COL23A1: variants seen among roughly 807,000 people sequenced by gnomAD.
COL23A1 encodes collagen type XXIII alpha 1 chain.
A neutral mutation model predicts 99.3 loss-of-function variants in COL23A1; 97 were observed. That is an observed-to-expected ratio of 0.98 (90% CI 0.83 to 1.16). The LOEUF (loss-of-function observed/expected upper bound fraction) is 1.16, where lower values mean the gene tolerates loss of function less well. Ranked by LOEUF, COL23A1 falls within the 50% of genes most tolerant of loss-of-function variation. COL23A1 has a pLI of 0.00. For synonymous variants in COL23A1, 320 were observed against 308.2 expected, an observed-to-expected ratio of 1.04 and a Z score of -0.40; for missense variants, 762 against 757.4, an observed-to-expected ratio of 1.01 and a Z score of -0.07.
At chr5:178,291,779 G>A (rs1757473041) in intron 3 of COL23A1, among the ~76,000 whole-genome samples, 1 of 152,088 alleles carries the variant, frequency 6.6e-6, no homozygotes, top group African/African-American at 2.4e-5. Context: ...TGTTGGTCAG[G>A]GGAGAGATGG....
intron 27 of COL23A1, among the ~76,000 whole-genome samples, chr5:178,240,596 G>A (rs898129154): frequency 2.4e-4 from 37 of 152,324 alleles, no homozygotes; most frequent in African/African-American, 5.5e-4. Flanking sequence ...GCCAGGCCCC[G>A]GAGCTGCGGG....
intron 2 of COL23A1, among the ~76,000 whole-genome samples, chr5:178,375,315 A>AG (rs375565869): frequency 6.6e-6 from 1 of 152,334 alleles, no homozygotes; most frequent in African/African-American, 2.4e-5. Flanking sequence ...TTTCTTCCGC[A>AG]GGGGATGAAA....
intron 2 of COL23A1, among the ~76,000 whole-genome samples, chr5:178,349,349 C>T (rs562341781): frequency 6.6e-6 from 1 of 152,258 alleles, no homozygotes; most frequent in African/African-American, 2.4e-5. Context: ...AGGCAGAGGC[C>T]CACTGCGGCG....
chr5:178,246,465 G>A lies in COL23A1; in HGVS notation c.1297-12C>T. ...GCTCCATCCAAGCCCTGGAGGCAAA[G>A]GAGGGAAATCAGTCAAGGGGAAGGG... On this transcript the variant is annotated splice_polypyrimidine_tract_variant and intron_variant, in intron 22 of 28. Transcript: ENST00000390654. 1 of 1,560,274 alleles carries A rather than the reference G, an allele frequency of 6.4e-7. No individual in the cohort carries two copies. Among genetic ancestry groups the A allele is most frequent in the Non-Finnish European group, 8.7e-7 (1 of 1,151,296 alleles).
chr5:178,249,017 T>C (rs1764866393), intron 19 of COL23A1, 100 bp downstream of exon 19: 1 of 1,210,164 alleles, frequency 8.3e-7, no homozygotes, highest in East Asian at 2.3e-5. Context: ...GCAGGGGCTG[T>C]CAGGGTCACG....
At chr5:178,292,015 A>G (rs1288358784) in intron 3 of COL23A1, among the ~76,000 whole-genome samples, 1 of 152,126 alleles carries the variant, frequency 6.6e-6, no homozygotes, top group Non-Finnish European at 1.5e-5. Context: ...AGCAAACAAA[A>G]GCTGCCGGAT....
intron 2 of COL23A1, among the ~76,000 whole-genome samples, chr5:178,543,707 A>G (rs1761423187): frequency 6.6e-6 from 1 of 152,108 alleles, no homozygotes; most frequent in South Asian, 2.1e-4. Context: ...TTCTTTCACC[A>G]AAACGGCCTG....
At chr5:178,337,380 A>T (rs577136131) in intron 2 of COL23A1, among the ~76,000 whole-genome samples, 4 of 152,334 alleles carry the variant, frequency 2.6e-5, no homozygotes, top group Admixed American at 1.3e-4. Context: ...TCCACTCTGG[A>T]GGCGGGCTCT....
rs200807238 is a variant in COL23A1 at position 178,245,962 on chromosome 5, G to C, written c.1420C>G (p.Pro474Ala). 1.2e-6 allele frequency: 2 copies of C among 1,614,170 alleles called. No homozygotes were observed. The highest frequency in any genetic ancestry group is 2.7e-5 in the African/African-American group (2 of 75,066). The part of the protein sequence containing the change: ...LPGTKGEKGR[P>A]GEPGLDGFPG... Reference sequence around the variant, plus strand: ...CTTACATCTAGTCCTGGCTCCCCGGGTCTGCCCTGAGGAGAGACACAGAGT... The same window carrying C: ...CTTACATCTAGTCCTGGCTCCCCGGCTCTGCCCTGAGGAGAGACACAGAGT... The change falls in exon 25 of 29, where the codon CCC (proline) becomes GCC (alanine). Residue 474 changes from proline to alanine, a missense_variant. Physicochemically the swap from Pro to Ala is conservative, Grantham distance 27 (BLOSUM62 -1). Transcript: ENST00000390654.
chr5:178,306,877 G>T lies in COL23A1; in HGVS notation c.404C>A (p.Pro135His). Residue 135 changes from proline to histidine, a missense_variant and splice_region_variant, in exon 3 of 29, where the codon CCT (proline) becomes CAT (histidine). Transcript: ENST00000390654. The surrounding 1 kb of genome is among the most constrained non-coding windows in gnomAD (Gnocchi z 4.1). Reference sequence around the variant, plus strand: ...AGCTGAGAAAACCTGGGACTCACCAGGGTCGCCTCTTCTCCCAGGCTTGCC... The same window carrying T: ...AGCTGAGAAAACCTGGGACTCACCATGGTCGCCTCTTCTCCCAGGCTTGCC... The part of the protein sequence containing the change: ...RRGKPGRRGD[P>H]GPPGQSGRDG... 6.5e-7 allele frequency: 1 copy of T among 1,538,786 alleles called. No homozygotes were observed. The highest frequency in any genetic ancestry group is 8.8e-7 in the Non-Finnish European group (1 of 1,141,970).
chr5:178,311,969 G>A (rs1206738907), intron 2 of COL23A1, among the ~76,000 whole-genome samples: 1 of 151,996 alleles, frequency 6.6e-6, no homozygotes, highest in African/African-American at 2.4e-5. Flanking sequence ...GACCTCAGGT[G>A]ATCCACCTGC....
chr5:178,266,544 T>G (rs1157824629), intron 8 of COL23A1, among the ~76,000 whole-genome samples: 1 of 152,094 alleles, frequency 6.6e-6, no homozygotes, highest in East Asian at 1.9e-4. Context: ...CATCCCCTTT[T>G]GGAATATCAG....
At chr5:178,338,549 T>A (rs1400730602) in intron 2 of COL23A1, among the ~76,000 whole-genome samples, 2 of 152,266 alleles carry the variant, frequency 1.3e-5, no homozygotes, top group East Asian at 3.9e-4. Context: ...AGCTCCTGGG[T>A]CACCCAGCAC....
intron 27 of COL23A1, among the ~76,000 whole-genome samples, 170 bp from the exon 28 acceptor site, chr5:178,239,349 G>A (rs1764270675): frequency 6.6e-6 from 1 of 151,920 alleles, no homozygotes; most frequent in African/African-American, 2.4e-5. Flanking sequence ...CCCAGGTAGT[G>A]GGGTCATGGG....
chr5:178,288,399 T>C lies in COL23A1; in HGVS notation c.415-49A>G, dbSNP rs1190302862. The C allele has an allele frequency of 2.6e-6, 4 of 1,530,166 alleles. No individual in the cohort carries two copies. The African/African-American group carries it at 4.1e-5, about 16-fold the overall frequency. 94.8% of individuals were successfully genotyped at this position (1,530,166 alleles called of 1,614,324 possible). A position where few individuals can be genotyped will look rare whatever the true frequency, so the allele number is the denominator to read the frequency against. On this transcript the variant is annotated intron_variant, in intron 4 of 28. Transcript: ENST00000390654. ...ATAATCAGAGTTTCGGCAGAAACCATATGGCAACACTTAGAGCTCAATCAG... is the reference window on the plus strand; with the variant it reads ...ATAATCAGAGTTTCGGCAGAAACCACATGGCAACACTTAGAGCTCAATCAG...
At chr5:178,560,490 G>A (rs992377890) in intron 2 of COL23A1, among the ~76,000 whole-genome samples, 192 bp downstream of exon 2, 1 of 152,102 alleles carries the variant, frequency 6.6e-6, no homozygotes, top group East Asian at 1.9e-4. Context: ...CCAGCAAACC[G>A]AGTCCGTTTA....
At chr5:178,304,434 T>C (rs1318912279) in intron 3 of COL23A1, among the ~76,000 whole-genome samples, 1 of 138,160 alleles carries the variant, frequency 7.2e-6, no homozygotes, top group Non-Finnish European at 1.5e-5. Context: ...CGCTTGAATC[T>C]GGGAAGCAGA....
chr5:178,323,203 G>A (rs2127631299), intron 2 of COL23A1, among the ~76,000 whole-genome samples: 1 of 152,290 alleles, frequency 6.6e-6, no homozygotes, highest in Middle Eastern at 3.4e-3. Flanking sequence ...ATGCCCTGTG[G>A]TCCTGGAGGG....
intron 2 of COL23A1, among the ~76,000 whole-genome samples, chr5:178,396,902 C>G (rs369036638): frequency 6.6e-6 from 1 of 152,224 alleles, no homozygotes; most frequent in East Asian, 1.9e-4. Flanking sequence ...GCGTGGACTT[C>G]AAAGAGCAGA....
Sources: gnomAD v4.1 joint callset for allele counts (sites outside exome capture counted in the v4.1 genomes callset) on GRCh38, gnomAD v4.1.1 for gene constraint, Gnocchi (gnomAD v3.1) non-coding constraint, MANE v1.5 for transcripts, NCBI Gene and HGNC (gene_info 2026-07-23, HGNC 2026-07-21) for gene names.